ABCC1: variants seen among roughly 807,000 people sequenced by gnomAD.
The protein encoded by ABCC1 is ATP binding cassette subfamily C member 1 (ABCC1 blood group), also known as multidrug resistance-associated protein 1.
ABCC1 carries 83 observed loss-of-function variants against 172.9 expected under a neutral mutation model. That is an observed-to-expected ratio of 0.48 (90% CI 0.40 to 0.58). ABCC1 has a LOEUF of 0.58. ABCC1 is among the 20% of genes least tolerant of loss of function. ABCC1 has a pLI of 0.00. For missense variants in ABCC1, 1,817 were observed against 2,002.7 expected, an observed-to-expected ratio of 0.91 and a Z score of 1.77; for synonymous variants, 937 against 825.2, an observed-to-expected ratio of 1.14 and a Z score of -2.32.
At chr16:16,132,010 TGCA>T in intron 27 of ABCC1, 75 bp downstream of exon 27, 1 of 1,550,404 alleles carries the variant, frequency 6.4e-7, no homozygotes, top group South Asian at 1.2e-5. Flanking sequence ...TGAACCTAGC[TGCA>T]GCGTCTCCCC....
chr16:16,028,754 C>G (rs986458734), intron 5 of ABCC1, among the ~76,000 whole-genome samples: 5 of 151,826 alleles, frequency 3.3e-5, no homozygotes, highest in African/African-American at 1.2e-4. Context: ...ATAGGTCGAG[C>G]AAGCAGTAGG....
At chr16:16,040,997 G>A (rs1457705157) in intron 7 of ABCC1, among the ~76,000 whole-genome samples, 3 of 151,892 alleles carry the variant, frequency 2.0e-5, no homozygotes, top group Non-Finnish European at 4.4e-5. Flanking sequence ...GCACGATCTC[G>A]GCTCACTGCA....
intron 1 of ABCC1, among the ~76,000 whole-genome samples, chr16:15,988,944 C>T (rs1384267059): frequency 1.3e-5 from 2 of 151,656 alleles, no homozygotes; most frequent in African/African-American, 2.4e-5. Context: ...TGGTGTGCAC[C>T]TCTAGTCCCA....
intron 19 of ABCC1, 81 bp downstream of exon 19, chr16:16,090,669 C>G: frequency 7.0e-7 from 1 of 1,427,660 alleles, no homozygotes; most frequent in African/African-American, 1.4e-5. Flanking sequence ...AGGTTGCCAC[C>G]AGCCACTTGG....
chr16:16,089,657 G>C (rs925062714), intron 18 of ABCC1, among the ~76,000 whole-genome samples: 1 of 152,090 alleles, frequency 6.6e-6, no homozygotes, highest in Non-Finnish European at 1.5e-5. Context: ...ATTGCCTGAG[G>C]TCAGGAGTTT....
rs77977514 is a variant in ABCC1, at chr16:16,066,032, C to T, written c.1678-2124C>T. ...CACTAATTCCAGGACGTTTTCATTA[C>T]CCCAAAAGGAAGCCCTGTACCTGTT... On this transcript the variant is annotated intron_variant, in intron 12 of 30. Transcript: ENST00000399410. 8.2e-3 allele frequency among the ~76,000 whole-genome samples: 1,241 copies of T among 152,128 alleles called. 19 individuals carry two copies. Among genetic ancestry groups the T allele is most frequent in the African/African-American group, 0.027 (1,127 of 41,490 alleles).
At chr16:15,989,167 A>G (rs1470030103) in intron 1 of ABCC1, among the ~76,000 whole-genome samples, 3 of 151,930 alleles carry the variant, frequency 2.0e-5, no homozygotes, top group South Asian at 4.2e-4. Context: ...GGATAGAGCA[A>G]GGATGGCCGT....
chr16:16,058,832 T>G (rs2151923306), intron 12 of ABCC1, among the ~76,000 whole-genome samples: 1 of 152,218 alleles, frequency 6.6e-6, no homozygotes, highest in Admixed American at 6.5e-5. Flanking sequence ...TAAAATATCT[T>G]TAGTGTAGAG....
At position 16,090,603 on chromosome 16, in the gene ABCC1, A is replaced by G. The variant is rs773156689; in HGVS notation, c.2644+15A>G. On this transcript the variant is annotated intron_variant, in intron 19 of 30. Transcript: ENST00000399410. ...AGAGGAGAACGGTAGGGGCAGCCCCAGGGTTCCACCCACTCAGGGTGTCTG... is the reference window on the plus strand; with the variant it reads ...AGAGGAGAACGGTAGGGGCAGCCCCGGGGTTCCACCCACTCAGGGTGTCTG... The G allele has an allele frequency of 1.0e-5, 16 of 1,562,410 alleles. No individual in the cohort carries two copies. The highest frequency in any genetic ancestry group is 3.7e-4 in the Middle Eastern group (2 of 5,370).
intron 14 of ABCC1, among the ~76,000 whole-genome samples, chr16:16,074,921 G>T (rs2050495077): frequency 6.6e-6 from 1 of 151,310 alleles, no homozygotes; most frequent in South Asian, 2.1e-4. Context: ...ATAATTCAGA[G>T]AGCTGCTTTT....
intron 8 of ABCC1, among the ~76,000 whole-genome samples, chr16:16,044,939 G>T (rs2049140616): frequency 6.6e-6 from 1 of 152,090 alleles, no homozygotes; most frequent in African/African-American, 2.4e-5. Flanking sequence ...TGTGAGCCAT[G>T]GTCACTGCCT....
rs150756598 is a variant in ABCC1, at chr16:16,026,641, C to T, written c.616-6468C>T. On this transcript the variant is annotated intron_variant, in intron 5 of 30. Coordinates refer to ENST00000399410, the MANE Select transcript of ABCC1 (RefSeq NM_004996.4). Reference sequence around the variant, plus strand: ...CAAATTAGAAATGGCAATTGCTGGGCGCGGTGGGTCATGCCTGTAATCCCA... The same window carrying T: ...CAAATTAGAAATGGCAATTGCTGGGTGCGGTGGGTCATGCCTGTAATCCCA... Among the ~76,000 whole-genome samples the T allele has an allele frequency of 2.6e-3, 394 of 149,162 alleles. 2 individuals are homozygous for T. Among genetic ancestry groups the T allele is most frequent in the African/African-American group, 9.1e-3 (370 of 40,614 alleles).
chr16:15,958,293 A>G (rs45610340), intron 1 of ABCC1, among the ~76,000 whole-genome samples: 1,647 of 151,870 alleles, frequency 0.011, 31 homozygotes, highest in African/African-American at 0.037. Context: ...TTTAGTAGAG[A>G]TGGGGTTTCT....
intron 19 of ABCC1, among the ~76,000 whole-genome samples, chr16:16,100,169 G>A (rs1169816317): frequency 1.3e-5 from 2 of 152,214 alleles, no homozygotes; most frequent in South Asian, 2.1e-4. Context: ...GTCCTCCTCC[G>A]TGCAGAGTGG....
At chr16:15,993,981 G>A (rs916948305) in intron 1 of ABCC1, among the ~76,000 whole-genome samples, 3 of 152,122 alleles carry the variant, frequency 2.0e-5, no homozygotes, top group East Asian at 1.9e-4. Flanking sequence ...CTCTAATCCC[G>A]GCACTCTGGG....
chr16:16,125,900 A>G lies in ABCC1; in HGVS notation c.3808A>G (p.Thr1270Ala), dbSNP rs748043154. ...GGAGAGGCTCAAGGAGTATTCAGAGACTGAGAAGGAGGTAGGCAAGGGCCC... is the reference window on the plus strand; with the variant it reads ...GGAGAGGCTCAAGGAGTATTCAGAGGCTGAGAAGGAGGTAGGCAAGGGCCC... Reference protein sequence around the residue: ...AVERLKEYSETEKEAPWQIQE... With the variant: ...AVERLKEYSEAEKEAPWQIQE... The change falls in exon 26 of 31, where the codon ACT (threonine) becomes GCT (alanine). Residue 1270 changes from threonine (T) to alanine (A), a missense_variant. Thr to Ala is a moderately conservative substitution (Grantham distance 58). Coordinates refer to ENST00000399410, the MANE Select transcript of ABCC1 (RefSeq NM_004996.4). 7.4e-6 allele frequency: 12 copies of G among 1,613,698 alleles called. No homozygotes were observed. The highest frequency in any genetic ancestry group is 1.0e-5 in the Non-Finnish European group (12 of 1,179,888).
At chr16:16,130,047 G>A (rs2045613729) in intron 26 of ABCC1, among the ~76,000 whole-genome samples, 1 of 152,216 alleles carries the variant, frequency 6.6e-6, no homozygotes, top group Non-Finnish European at 1.5e-5. Flanking sequence ...CCAGCTGTGG[G>A]CCTCAGGAAA....
chr16:16,125,706 G>A (rs1048641093), intron 25 of ABCC1, 104 bp from the exon 26 acceptor site: 5 of 765,924 alleles, frequency 6.5e-6, no homozygotes, highest in East Asian at 5.4e-5. Context: ...ATTCATACTT[G>A]TTGAAAATAA....
At chr16:16,039,791 G>T (rs573629379) in intron 7 of ABCC1, among the ~76,000 whole-genome samples, 1 of 152,154 alleles carries the variant, frequency 6.6e-6, no homozygotes, top group Non-Finnish European at 1.5e-5. Flanking sequence ...GCATTGGAGG[G>T]AGTGAGCCTT....
Sources: allele counts gnomAD v4.1 joint callset (sites outside exome capture counted in the v4.1 genomes callset), GRCh38; gene constraint gnomAD v4.1.1; transcripts MANE v1.5; gene names NCBI Gene and HGNC (gene_info 2026-07-23, HGNC 2026-07-21).